The following LRP1B variants were observed in gnomAD, a reference collection of about 807,000 sequenced individuals.
LRP1B encodes low-density lipoprotein receptor-related protein 1B.
Under a neutral mutation model 556.6 loss-of-function variants are expected in LRP1B, and 217 were observed. That is an observed-to-expected ratio of 0.39 (90% CI 0.35 to 0.44). The LOEUF (loss-of-function observed/expected upper bound fraction) is 0.44, where lower values mean the gene tolerates loss of function less well. Among genes scored for constraint, LRP1B ranks in the 20% least tolerant of loss-of-function variants. The pLI is 1.00. For missense variants in LRP1B, 5,053 were observed against 5,620.8 expected, an observed-to-expected ratio of 0.90 and a Z score of 3.23; for synonymous variants, 2,047 against 1,865.8, an observed-to-expected ratio of 1.10 and a Z score of -2.50.
rs564046992 is a variant in LRP1B at position 141,122,993 on chromosome 2, G to T, written c.1014-60720C>A. ...AAACCATCATTCTCAGTAAACTATTGCAAGGACAGAAAACCAAACACCGCA... is the reference window on the plus strand; with the variant it reads ...AAACCATCATTCTCAGTAAACTATTTCAAGGACAGAAAACCAAACACCGCA... On this transcript the variant is annotated intron_variant, in intron 7 of 90. Transcript: ENST00000389484. 6.6e-5 allele frequency among the ~76,000 whole-genome samples: 10 copies of T among 152,124 alleles called. No homozygotes were observed. In the East Asian group the frequency reaches 1.4e-3, roughly 21 times the overall value.
At chr2:141,745,492 T>C (rs191757526) in intron 2 of LRP1B, among the ~76,000 whole-genome samples, 1 of 152,208 alleles carries the variant, frequency 6.6e-6, no homozygotes, top group East Asian at 1.9e-4. Flanking sequence ...ACTGCCAGAC[T>C]ACCACTGATG....
In LRP1B at chr2:142,075,296, GAATAGGGTGTATT is replaced by G. The variant is rs142615138; in HGVS notation, c.82+55339_82+55351del. On this transcript the variant is annotated intron_variant, in intron 1 of 90. Coordinates refer to ENST00000389484, the MANE Select transcript of LRP1B (RefSeq NM_018557.3). Reference sequence around the variant, plus strand: ...CAAACTAATACATGAGACAAAGGCAGAATAGGGTGTATTAATAGAGTAAGTAATTTATTAAACT... The same window carrying G: ...CAAACTAATACATGAGACAAAGGCAGAATAGAGTAAGTAATTTATTAAACT... Among the ~76,000 whole-genome samples the G allele has an allele frequency of 8.6e-4, 131 of 152,202 alleles. 1 individual carries two copies. In the East Asian group the frequency reaches 0.023, roughly 27 times the overall value.
chr2:140,507,011 AAT>A lies in LRP1B; in HGVS notation c.8399-95_8399-94del, dbSNP rs201970031. The A allele has an allele frequency of 7.9e-3, 10,399 of 1,311,022 alleles. 350 individuals carry two copies. The East Asian group carries it at 0.11, about 14-fold the overall frequency. 81.2% of individuals were successfully genotyped at this position (1,311,022 alleles called of 1,614,324 possible). On this transcript the variant is annotated intron_variant, in intron 52 of 90. Coordinates refer to ENST00000389484, the MANE Select transcript of LRP1B (RefSeq NM_018557.3). ...TTGGGGAATATATAAAATCATATCC[AAT>A]AATTCATAGTTACTGAGAAAAAGAA... is the stretch of plus-strand genomic sequence containing the variant.
Position 141,545,254 on chromosome 2 carries a change from CA to C in LRP1B, c.206-64722del, listed in dbSNP as rs1685510080. ...CCCATCTCATATATTTACTCATGGT[CA>C]AATGAATCTTCTCTGTCTCATGACT... On this transcript the variant is annotated intron_variant, in intron 2 of 90. Transcript: ENST00000389484. Among the ~76,000 whole-genome samples the C allele has an allele frequency of 3.3e-5, 5 of 152,290 alleles. No homozygotes were observed. The South Asian group carries it at 1.0e-3, about 32-fold the overall frequency.
intron 1 of LRP1B, among the ~76,000 whole-genome samples, chr2:141,866,646 C>T (rs1374193349): frequency 1.3e-5 from 2 of 151,942 alleles, no homozygotes; most frequent in African/African-American, 4.8e-5. Flanking sequence ...GAACCGAGAA[C>T]ATGTTTTTAC....
chr2:141,382,781 T>C (rs868355783), intron 3 of LRP1B, among the ~76,000 whole-genome samples: 1 of 152,208 alleles, frequency 6.6e-6, no homozygotes, highest in Non-Finnish European at 1.5e-5. Context: ...GCCAGGTGGT[T>C]GTTTGGAGAA....
At chr2:141,331,522 C>CTTTTCTTTCTTTCTTTCTTTCTTTCTT (rs10694161) in intron 3 of LRP1B, among the ~76,000 whole-genome samples, 3 of 140,716 alleles carry the variant, frequency 2.1e-5, no homozygotes, top group African/African-American at 8.7e-5. Flanking sequence ...TTCTTTCTTT[C>CTTTTCTTTCTTTCTTTCTTTCTTTCTT]TCTTTCTTTC....
At chr2:141,878,144 T>C (rs193295386) in intron 1 of LRP1B, among the ~76,000 whole-genome samples, 1,531 of 152,064 alleles carry the variant, frequency 0.01, 22 homozygotes, top group Non-Finnish European at 0.012. Flanking sequence ...AGAAAGACTT[T>C]TTTTTTCCTT....
Position 141,062,220 on chromosome 2 carries a change from A to G in LRP1B, c.1067T>C (p.Met356Thr), listed in dbSNP as rs1171185733. The G allele has an allele frequency of 6.2e-7, 1 of 1,611,560 alleles. No homozygotes were observed. The highest frequency in any genetic ancestry group is 1.1e-5 in the South Asian group (1 of 91,014). The stretch of plus-strand genomic sequence containing the variant: ...TATCCTTGTTCGGTTCATCCCATCC[A>G]TGTCACATCTCTCCACTTTGGCGAC... ...GNVAKVERCDMDGMNRTRIID... is the reference protein window; with the variant it reads ...GNVAKVERCDTDGMNRTRIID... Residue 356 changes from methionine to threonine, a missense_variant, in exon 8 of 91, where the codon ATG becomes ACG. Around this residue, in one of 5 missense-constraint regions of LRP1B, gnomAD observed 3,619 missense variants for 3,931.9 expected, o/e 0.92. Coordinates refer to ENST00000389484, the MANE Select transcript of LRP1B (RefSeq NM_018557.3).
intron 66 of LRP1B, among the ~76,000 whole-genome samples, chr2:140,437,847 G>A (rs1686252986): frequency 6.6e-6 from 1 of 152,126 alleles, no homozygotes; most frequent in Admixed American, 6.6e-5. Flanking sequence ...GACGTTAGTT[G>A]TTATTGTAGA....
At chr2:141,996,013 G>A (rs1375226997) in intron 1 of LRP1B, among the ~76,000 whole-genome samples, 1 of 152,066 alleles carries the variant, frequency 6.6e-6, no homozygotes, top group Non-Finnish European at 1.5e-5. Context: ...CAGCACTTTT[G>A]AAGGCCAAGG....
At chr2:140,850,059 A>G (rs1372264176) in intron 29 of LRP1B, 43 bp downstream of exon 29, 5 of 1,244,160 alleles carry the variant, frequency 4.0e-6, no homozygotes, top group South Asian at 1.3e-5. Context: ...TACAAACTGA[A>G]TAACAAACAC....
At chr2:141,436,495 G>A (rs1280211377) in intron 3 of LRP1B, among the ~76,000 whole-genome samples, 1 of 152,040 alleles carries the variant, frequency 6.6e-6, no homozygotes, top group Non-Finnish European at 1.5e-5. Flanking sequence ...ATCTCTATTT[G>A]CTTAATGTCC....
At chr2:140,538,967 T>C (rs976241996) in intron 45 of LRP1B, among the ~76,000 whole-genome samples, 1 of 152,160 alleles carries the variant, frequency 6.6e-6, no homozygotes, top group African/African-American at 2.4e-5. Flanking sequence ...TCCTCAGGTA[T>C]GTTCATTTGA....
chr2:141,485,481 A>G (rs1254220098), intron 2 of LRP1B, among the ~76,000 whole-genome samples: 1 of 152,152 alleles, frequency 6.6e-6, no homozygotes, highest in Non-Finnish European at 1.5e-5. Context: ...AAACTGCTTA[A>G]ATCAGTATTT....
At chr2:141,278,558 C>T (rs531310985) in intron 3 of LRP1B, among the ~76,000 whole-genome samples, 137 of 152,018 alleles carry the variant, frequency 9.0e-4, no homozygotes, top group African/African-American at 2.7e-3. Flanking sequence ...GGCTATAATC[C>T]GACTCTTAGG....
chr2:141,651,445 C>T (rs1689788299), intron 2 of LRP1B, among the ~76,000 whole-genome samples: 1 of 152,170 alleles, frequency 6.6e-6, no homozygotes, highest in Non-Finnish European at 1.5e-5. Flanking sequence ...AGGCAGATCA[C>T]TTGAGGTCGG....
chr2:141,159,424 G>A (rs1190930938), intron 7 of LRP1B, among the ~76,000 whole-genome samples: 1 of 151,950 alleles, frequency 6.6e-6, no homozygotes, highest in Non-Finnish European at 1.5e-5. Flanking sequence ...TAGAGATGGG[G>A]TCTCACTATG....
chr2:141,294,855 A>T (rs931003180), intron 3 of LRP1B, among the ~76,000 whole-genome samples: 4 of 151,928 alleles, frequency 2.6e-5, no homozygotes, highest in Admixed American at 2.6e-4. Flanking sequence ...TCTATTTTCC[A>T]TAATTTTTGT....
Sources: gnomAD v4.1 joint callset for allele counts (sites outside exome capture counted in the v4.1 genomes callset) on GRCh38, gnomAD v4.1.1 for gene constraint, gnomAD v4.1.1 regional missense constraint, MANE v1.5 for transcripts, NCBI Gene and HGNC (gene_info 2026-07-23, HGNC 2026-07-21) for gene names.